The following FRMD4A variants were observed in gnomAD, a reference collection of about 807,000 sequenced individuals.
FRMD4A encodes the protein FERM domain-containing protein 4A.
In FRMD4A, 29 loss-of-function variants were observed where a neutral mutation model predicts 129.1. The ratio of observed to expected loss-of-function variants is 0.22; its 90% CI spans 0.17 to 0.31. The LOEUF (loss-of-function observed/expected upper bound fraction) is 0.31. Ranked by LOEUF, FRMD4A falls within the 10% of genes least tolerant of loss-of-function variation. The pLI is 1.00. For missense variants in FRMD4A, 1,272 were observed against 1,375.8 expected, an observed-to-expected ratio of 0.92 and a Z score of 1.19; for synonymous variants, 634 against 571.6, an observed-to-expected ratio of 1.11 and a Z score of -1.56.
chr10:14,207,554 G>C (rs896794124), intron 2 of FRMD4A, among the ~76,000 whole-genome samples: 1 of 152,056 alleles, frequency 6.6e-6, no homozygotes, highest in Non-Finnish European at 1.5e-5. Context: ...TCTGTAAAAT[G>C]TATTAATTAC....
At chr10:14,107,203 G>T (rs548808471) in intron 2 of FRMD4A, among the ~76,000 whole-genome samples, 8 of 152,172 alleles carry the variant, frequency 5.3e-5, no homozygotes, top group African/African-American at 1.9e-4. Flanking sequence ...CTACCAGAGA[G>T]GGGAGAGAGG....
chr10:13,993,277 T>A (rs575295367), intron 2 of FRMD4A, among the ~76,000 whole-genome samples: 1 of 152,032 alleles, frequency 6.6e-6, no homozygotes, highest in Non-Finnish European at 1.5e-5. Flanking sequence ...AGATCCAGAG[T>A]TCCTCAGGGT....
intron 2 of FRMD4A, among the ~76,000 whole-genome samples, chr10:14,295,557 C>A (rs550387130): frequency 1.3e-5 from 2 of 152,260 alleles, no homozygotes; most frequent in East Asian, 3.9e-4. Context: ...TAGTTTGTGG[C>A]AGATCCATTA....
chr10:14,088,339 C>T lies in FRMD4A; in HGVS notation c.46-229427G>A, dbSNP rs1046376770. On this transcript the variant is annotated intron_variant, in intron 2 of 24. Transcript: ENST00000357447. ...GTGTGCATCAGTGGTCCTAACTACT[C>T]AGGAGGCTAAGTTGGGAGGACTGCC... Among the ~76,000 whole-genome samples the T allele has an allele frequency of 3.3e-5, 5 of 151,694 alleles. No individual in the cohort carries two copies. In the East Asian group the frequency reaches 9.7e-4, roughly 29 times the overall value.
chr10:14,135,730 A>C (rs1417413293), intron 2 of FRMD4A, among the ~76,000 whole-genome samples: 1 of 152,224 alleles, frequency 6.6e-6, no homozygotes, highest in Non-Finnish European at 1.5e-5. Context: ...ACTTTCTATG[A>C]AAATATTTAT....
chr10:14,231,634 C>T (rs1180239134), intron 2 of FRMD4A, among the ~76,000 whole-genome samples: 1 of 152,220 alleles, frequency 6.6e-6, no homozygotes, highest in Non-Finnish European at 1.5e-5. Context: ...GCGTGAGCCA[C>T]TGTGCCCGGC....
chr10:14,201,762 A>C (rs1228282524), intron 2 of FRMD4A, among the ~76,000 whole-genome samples: 6 of 152,144 alleles, frequency 3.9e-5, no homozygotes, highest in Non-Finnish European at 7.3e-5. Flanking sequence ...CACGTAGCAA[A>C]TGACTTTATT....
At chr10:14,191,692 A>G (rs1842321385) in intron 2 of FRMD4A, among the ~76,000 whole-genome samples, 1 of 152,118 alleles carries the variant, frequency 6.6e-6, no homozygotes, top group Non-Finnish European at 1.5e-5. Context: ...TCTATCTCAT[A>G]TTTTTAGAAT....
chr10:14,076,197 T>A (rs1178588811), intron 2 of FRMD4A, among the ~76,000 whole-genome samples: 1 of 152,184 alleles, frequency 6.6e-6, no homozygotes, highest in Non-Finnish European at 1.5e-5. Context: ...TGTGCATGGA[T>A]CCCCACCTGC....
chr10:14,030,728 C>T (rs1304404200), intron 2 of FRMD4A, among the ~76,000 whole-genome samples: 1 of 152,210 alleles, frequency 6.6e-6, no homozygotes, highest in Non-Finnish European at 1.5e-5. Context: ...GGCCTGGGAT[C>T]AGGCAGTGGT....
At chr10:14,327,379 T>C (rs11259010) in intron 2 of FRMD4A, among the ~76,000 whole-genome samples, 6,573 of 152,342 alleles carry the variant, frequency 0.043, 482 homozygotes, top group African/African-American at 0.15. Context: ...TTGGCTATCC[T>C]GGAACTTCAT....
At chr10:13,873,181 AAAATAAAAT>A (rs201396990) in intron 2 of FRMD4A, among the ~76,000 whole-genome samples, 13 of 29,536 alleles carry the variant, frequency 4.4e-4, no homozygotes, top group South Asian at 4.4e-3. Flanking sequence ...TGTCTCAAAA[AAAATAAAAT>A]AAAATAAAAA....
At chr10:13,860,788 A>AT (rs888231199) in intron 2 of FRMD4A, among the ~76,000 whole-genome samples, 20 of 151,276 alleles carry the variant, frequency 1.3e-4, no homozygotes, top group African/African-American at 3.2e-4. Context: ...TTTTAATTTA[A>AT]TTTTTTTTTA....
At chr10:14,211,681 G>T (rs1418794799) in intron 2 of FRMD4A, among the ~76,000 whole-genome samples, 1 of 152,126 alleles carries the variant, frequency 6.6e-6, no homozygotes, top group Non-Finnish European at 1.5e-5. Flanking sequence ...AATGATAATT[G>T]TGTGTCTACC....
intron 2 of FRMD4A, among the ~76,000 whole-genome samples, chr10:14,158,325 C>T (rs1211587351): frequency 2.0e-5 from 3 of 152,154 alleles, no homozygotes; most frequent in Non-Finnish European, 4.4e-5. Flanking sequence ...AAGATAGCCT[C>T]TGTGGTCAAG....
At chr10:13,754,607 A>G (rs1444966886) in intron 8 of FRMD4A, among the ~76,000 whole-genome samples, 2 of 151,032 alleles carry the variant, frequency 1.3e-5, no homozygotes, top group Admixed American at 6.6e-5. Context: ...TGTGTAAAAC[A>G]GTATATAAAT....
intron 13 of FRMD4A, among the ~76,000 whole-genome samples, chr10:13,703,552 C>G (rs2087082290): frequency 6.6e-6 from 1 of 152,182 alleles, no homozygotes; most frequent in East Asian, 1.9e-4. Context: ...CGTTGCCCAT[C>G]CTATTACTGC....
At chr10:14,152,117 C>CTTTTTTTTTTTTTTTTTTTTTTTTTTTTT (rs36023583) in intron 2 of FRMD4A, among the ~76,000 whole-genome samples, 1 of 54,112 alleles carries the variant, frequency 1.8e-5, no homozygotes. Context: ...TTGTGTAGTG[C>CTTTTTTTTTTTTTTTTTTTTTTTTTTTTT]TTTTTTTTTT....
chr10:14,269,770 A>G (rs1188067139), intron 2 of FRMD4A, among the ~76,000 whole-genome samples: 1 of 152,192 alleles, frequency 6.6e-6, no homozygotes, highest in Non-Finnish European at 1.5e-5. Flanking sequence ...ATTAAGTGAT[A>G]ATAATTAACG....
Sources: allele counts gnomAD v4.1 joint callset (sites outside exome capture counted in the v4.1 genomes callset), GRCh38; gene constraint gnomAD v4.1.1; transcripts MANE v1.5; gene names NCBI Gene and HGNC (gene_info 2026-07-23, HGNC 2026-07-21).